The following OTUD7B variants were observed in gnomAD, a reference collection of about 807,000 sequenced individuals.
The protein encoded by OTUD7B is OTU domain-containing protein 7B.
Under a neutral mutation model 82.2 loss-of-function variants are expected in OTUD7B, and 34 were observed. That is an observed-to-expected ratio of 0.41 (90% CI 0.31 to 0.55). The LOEUF (loss-of-function observed/expected upper bound fraction) is 0.55, where lower values mean the gene tolerates loss of function less well. OTUD7B is among the 20% of genes least tolerant of loss of function. The pLI is 0.20. For synonymous variants in OTUD7B, 398 were observed against 402.7 expected (o/e 0.99, Z 0.14); for missense variants, 944 against 1,062.1 (o/e 0.89, Z 1.55).
At chr1:150,000,042 T>C (rs1476406685) in intron 1 of OTUD7B, among the ~76,000 whole-genome samples, 1 of 152,170 alleles carries the variant, frequency 6.6e-6, no homozygotes, top group Non-Finnish European at 1.5e-5. Context: ...ATAAAAGGCT[T>C]ATAAAGAATT....
In OTUD7B at chr1:149,938,278, T is replaced by C. The variant is rs1406676036; in HGVS notation, c.*5579A>G. On this transcript the variant is annotated 3_prime_UTR_variant, in exon 12 of 12. Coordinates refer to ENST00000581312, the MANE Select transcript of OTUD7B (RefSeq NM_020205.4). ...GGAGTTCAGGACCACCTGGCCAACA[T>C]GATGAAGCCCCATCTCTACTGAAAA... The C allele has an allele frequency of 1.3e-5, 2 of 151,770 alleles. No individual in the cohort carries two copies. The highest frequency in any genetic ancestry group is 6.6e-5 in the Admixed American group (1 of 15,224). 9.4% of individuals were successfully genotyped at this position (151,770 alleles called of 1,614,324 possible).
At chr1:150,016,216 G>A in the OTUD7B span, among the ~76,000 whole-genome samples, 2 of 152,110 alleles carry the variant, frequency 1.3e-5, no homozygotes, top group Admixed American at 6.5e-5. Flanking sequence ...TAATCCCAAC[G>A]AGTAAAATGT....
chr1:149,986,724 G>T (rs1651169359), intron 1 of OTUD7B, among the ~76,000 whole-genome samples: 1 of 152,208 alleles, frequency 6.6e-6, no homozygotes, highest in African/African-American at 2.4e-5. Flanking sequence ...TATGATGTCA[G>T]TCCCAAGGAA....
chr1:150,009,826 C>G (rs2101954916), intron 1 of OTUD7B, among the ~76,000 whole-genome samples: 1 of 152,156 alleles, frequency 6.6e-6, no homozygotes, highest in Middle Eastern at 3.4e-3. Flanking sequence ...TCACGCAGCC[C>G]CCGGCTTACT....
the OTUD7B span, among the ~76,000 whole-genome samples, chr1:150,018,630 G>A: frequency 6.6e-6 from 1 of 152,198 alleles, no homozygotes; most frequent in Non-Finnish European, 1.5e-5. Context: ...ATGCAAAGAT[G>A]CAATCATTGC....
At chr1:150,012,763 T>C (rs1271306102), upstream of OTUD7B, among the ~76,000 whole-genome samples, 5 of 152,236 alleles carry the variant, frequency 3.3e-5, no homozygotes, top group Admixed American at 2.0e-4. Context: ...GGGGTCACAG[T>C]TGCTTTGTGC....
In OTUD7B at chr1:149,982,734, T is replaced by C. The variant is rs771671576; in HGVS notation, c.-66-5158A>G. 3.0e-3 allele frequency among the ~76,000 whole-genome samples: 450 copies of C among 150,646 alleles called. 3 individuals carry two copies. The highest frequency in any genetic ancestry group is 5.3e-3 in the Non-Finnish European group (357 of 67,824). The stretch of plus-strand genomic sequence containing the variant: ...CTAAGACCACCTCCACAACAACAAC[T>C]CAAACCTGGACCCTGCCATGTCCTG... On this transcript the variant is annotated intron_variant, in intron 1 of 11. Transcript: ENST00000581312.
At chr1:150,045,094 A>AAC in the OTUD7B span, among the ~76,000 whole-genome samples, 1 of 146,502 alleles carries the variant, frequency 6.8e-6, no homozygotes, top group Non-Finnish European at 1.5e-5. Context: ...CTTAAACTAA[A>AAC]TTTTTTTTTT....
At chr1:150,045,895 AGACAC>A in the OTUD7B span, among the ~76,000 whole-genome samples, 1 of 152,240 alleles carries the variant, frequency 6.6e-6, no homozygotes, top group African/African-American at 2.4e-5. Flanking sequence ...TATAAAAAAG[AGACAC>A]AAGCCTTATA....
At chr1:149,998,872 T>A (rs1652087719) in intron 1 of OTUD7B, among the ~76,000 whole-genome samples, 1 of 152,206 alleles carries the variant, frequency 6.6e-6, no homozygotes, top group Non-Finnish European at 1.5e-5. Flanking sequence ...AATATGTAAA[T>A]CTCTTTTCAG....
At chr1:150,007,509 C>G (rs997586290) in intron 1 of OTUD7B, among the ~76,000 whole-genome samples, 1 of 152,174 alleles carries the variant, frequency 6.6e-6, no homozygotes, top group Non-Finnish European at 1.5e-5. Flanking sequence ...AATGTTAAAG[C>G]TCATAATAGT....
chr1:150,013,931 A>AAG (rs1653178885), upstream of OTUD7B, among the ~76,000 whole-genome samples: 1 of 2,952 alleles, frequency 3.4e-4, no homozygotes, highest in African/African-American at 4.3e-4. Context: ...AAAAAAAAAA[A>AAG]AAAATAATAT....
chr1:149,959,510 G>A (rs1386108553), intron 7 of OTUD7B, among the ~76,000 whole-genome samples, 174 bp downstream of exon 7: 3 of 152,032 alleles, frequency 2.0e-5, no homozygotes, highest in Non-Finnish European at 2.9e-5. Context: ...GTTCAATACC[G>A]AACTACCTGT....
intron 10 of OTUD7B, among the ~76,000 whole-genome samples, chr1:149,947,621 T>C (rs1194415096): frequency 6.6e-6 from 1 of 152,064 alleles, no homozygotes; most frequent in Non-Finnish European, 1.5e-5. Context: ...GTCTGGAAAA[T>C]GGGAAATACT....
At chr1:150,014,050 GTATATATA>G (rs200964766), upstream of OTUD7B, among the ~76,000 whole-genome samples, 3 of 91,854 alleles carry the variant, frequency 3.3e-5, no homozygotes, top group African/African-American at 1.2e-4. Context: ...ATATGTGTGT[GTATATATA>G]TGTGTGTGTG....
intron 1 of OTUD7B, among the ~76,000 whole-genome samples, chr1:149,996,383 C>CAA (rs1223373818): frequency 1.6e-4 from 24 of 152,004 alleles, no homozygotes; most frequent in Admixed American, 7.2e-4. Context: ...ACAACAACAA[C>CAA]AAAAAAAACT....
chr1:149,991,728 T>G lies in OTUD7B; in HGVS notation c.-66-14152A>C, dbSNP rs587713884. Among the ~76,000 whole-genome samples, 448 of 152,284 alleles carry G rather than the reference T, an allele frequency of 2.9e-3. 2 individuals are homozygous for G. The highest frequency in any genetic ancestry group is 0.01 in the African/African-American group (424 of 41,558). The stretch of plus-strand genomic sequence containing the variant: ...CGAATATAAATCTGCTTACTCCCAT[T>G]CCAGTAATCTTTCCTTGACTTCACA... On this transcript the variant is annotated intron_variant, in intron 1 of 11. Coordinates refer to ENST00000581312, the MANE Select transcript of OTUD7B (RefSeq NM_020205.4).
At chr1:150,014,017 CATAT>C (rs782012908), upstream of OTUD7B, among the ~76,000 whole-genome samples, 9 of 128,156 alleles carry the variant, frequency 7.0e-5, no homozygotes, top group Non-Finnish European at 1.3e-4. Flanking sequence ...TATACACACA[CATAT>C]ATACGTATAT....
the OTUD7B span, among the ~76,000 whole-genome samples, chr1:150,061,107 G>A: frequency 2.0e-5 from 3 of 152,094 alleles, no homozygotes; most frequent in African/African-American, 7.2e-5. Flanking sequence ...GTCCTGGCTG[G>A]TCTCAAACTT....
Sources: gnomAD v4.1 joint callset for allele counts (sites outside exome capture counted in the v4.1 genomes callset) on GRCh38, gnomAD v4.1.1 for gene constraint, MANE v1.5 for transcripts, NCBI Gene and HGNC (gene_info 2026-07-23, HGNC 2026-07-21) for gene names.